DIS3L2: variants seen among roughly 807,000 people sequenced by gnomAD.
The protein encoded by DIS3L2 is DIS3-like exonuclease 2.
In DIS3L2, 34 loss-of-function variants were observed where a neutral mutation model predicts 97.5. That is an observed-to-expected ratio of 0.35 (90% CI 0.27 to 0.46). DIS3L2 has a LOEUF of 0.46. DIS3L2 is among the 20% of genes least tolerant of loss of function. DIS3L2 has a pLI of 1.00. For missense variants in DIS3L2, 1,038 were observed against 1,146.0 expected, an observed-to-expected ratio of 0.91 and a Z score of 1.36; for synonymous variants, 435 against 445.2, an observed-to-expected ratio of 0.98 and a Z score of 0.29.
chr2:232,214,676 C>G (rs945174868), intron 10 of DIS3L2, among the ~76,000 whole-genome samples: 1 of 152,212 alleles, frequency 6.6e-6, no homozygotes, highest in Non-Finnish European at 1.5e-5. Flanking sequence ...AGGGCCTACT[C>G]TCTCCTTGCC....
At chr2:232,194,858 C>T (rs1045839685) in intron 9 of DIS3L2, among the ~76,000 whole-genome samples, 3 of 152,048 alleles carry the variant, frequency 2.0e-5, no homozygotes, top group African/African-American at 4.8e-5. Context: ...ACTTGGGACT[C>T]CTCTCCTGAA....
chr2:232,084,799 C>CA (rs55977523), intron 5 of DIS3L2, among the ~76,000 whole-genome samples: 111,057 of 145,502 alleles, frequency 0.76, 42,309 homozygotes, highest in African/African-American at 0.85. Context: ...CAGTTTTGCT[C>CA]AAAAAAAAAA....
At chr2:232,070,317 G>A (rs1040089055) in intron 5 of DIS3L2, among the ~76,000 whole-genome samples, 1 of 146,604 alleles carries the variant, frequency 6.8e-6, no homozygotes, top group Non-Finnish European at 1.5e-5. Flanking sequence ...TGCTTTTCTA[G>A]TTTACCCAGA....
At chr2:232,147,934 TTCCCTTCCCTTCCCTCCCC>T in intron 8 of DIS3L2, among the ~76,000 whole-genome samples, 1 of 149,916 alleles carries the variant, frequency 6.7e-6, no homozygotes, top group East Asian at 2.0e-4. Context: ...TTCTCTTCTC[TTCCCTTCCCTTCCCTCCCC>T]TCCCTTTCCT....
At chr2:232,297,988 C>T (rs540239796) in intron 13 of DIS3L2, among the ~76,000 whole-genome samples, 14 of 152,222 alleles carry the variant, frequency 9.2e-5, no homozygotes, top group Admixed American at 2.0e-4. Flanking sequence ...TGAGCCACCA[C>T]ATCTGGCCTC....
chr2:232,086,632 C>CAT lies in DIS3L2; in HGVS notation c.367-844_367-843dup, dbSNP rs66493057. The stretch of plus-strand genomic sequence containing the variant: ...GTGTGTGTATATATATATATATACA[C>CAT]ATATATATATATGTATATATATATA... On this transcript the variant is annotated intron_variant, in intron 5 of 20. Transcript: ENST00000325385. Among the ~76,000 whole-genome samples, 310 of 69,106 alleles carry CAT rather than the reference C, an allele frequency of 4.5e-3. 2 individuals are homozygous for CAT. Among genetic ancestry groups the CAT allele is most frequent in the African/African-American group, 0.02 (259 of 13,154 alleles). The allele number at this position is 69,106 out of a possible 152,430, so 45.3% of individuals were successfully genotyped here. A position where few individuals can be genotyped will look rare whatever the true frequency, so the allele number is the denominator to read the frequency against.
intron 1 of DIS3L2, among the ~76,000 whole-genome samples, chr2:232,002,747 A>G (rs1438959528): frequency 6.6e-6 from 1 of 152,092 alleles, no homozygotes; most frequent in African/African-American, 2.4e-5. Context: ...CCTAGTTATC[A>G]CCTGCCTCCC....
At chr2:232,200,780 G>GTTTTTT (rs1183177130) in intron 9 of DIS3L2, among the ~76,000 whole-genome samples, 8 of 124,786 alleles carry the variant, frequency 6.4e-5, no homozygotes, top group Non-Finnish European at 1.1e-4. Context: ...TGACCAAAAG[G>GTTTTTT]TTTTTTTTTT....
At chr2:232,079,879 G>A (rs144771048) in intron 5 of DIS3L2, among the ~76,000 whole-genome samples, 14 of 152,256 alleles carry the variant, frequency 9.2e-5, no homozygotes, top group Middle Eastern at 6.8e-3. Flanking sequence ...GAGTTGGAGG[G>A]TCATTTGCAA....
intron 1 of DIS3L2, among the ~76,000 whole-genome samples, chr2:231,971,768 G>A (rs1692920480): frequency 6.6e-6 from 1 of 151,422 alleles, no homozygotes; most frequent in African/African-American, 2.4e-5. Flanking sequence ...TTTTAGTAGA[G>A]ACGGGGTTTC....
intron 10 of DIS3L2, among the ~76,000 whole-genome samples, chr2:232,215,839 C>T (rs1692317420): frequency 1.3e-5 from 2 of 152,166 alleles, no homozygotes; most frequent in Admixed American, 6.5e-5. Context: ...GGACCTGCTA[C>T]TGGGAAGAAA....
chr2:232,104,096 TG>T (rs749055681), intron 6 of DIS3L2, among the ~76,000 whole-genome samples: 5 of 152,180 alleles, frequency 3.3e-5, no homozygotes, highest in Non-Finnish European at 5.9e-5. Flanking sequence ...TAATTTCTAC[TG>T]TTTTTATTAC....
chr2:232,075,286 A>G (rs1696151284), intron 5 of DIS3L2, among the ~76,000 whole-genome samples: 1 of 152,212 alleles, frequency 6.6e-6, no homozygotes, highest in Non-Finnish European at 1.5e-5. Flanking sequence ...ACCCAGGGTC[A>G]TTGGGTGGAT....
At chr2:232,146,385 C>A (rs1359954665) in intron 8 of DIS3L2, among the ~76,000 whole-genome samples, 1 of 152,078 alleles carries the variant, frequency 6.6e-6, no homozygotes, top group Admixed American at 6.6e-5. Context: ...CTTTTAGCAG[C>A]AAATTATAAA....
chr2:232,117,376 T>C lies in DIS3L2; in HGVS notation c.602-13243T>C, dbSNP rs140150088. On this transcript the variant is annotated intron_variant, in intron 6 of 20. Transcript: ENST00000325385. The stretch of plus-strand genomic sequence containing the variant: ...ATGAAACCTTCATAATAAATACTTG[T>C]CTTGGTTACTTCACAGGTTCTTACG... Among the ~76,000 whole-genome samples the C allele has an allele frequency of 1.4e-4, 21 of 152,358 alleles. No individual in the cohort carries two copies. In the East Asian group the frequency reaches 3.5e-3, roughly 25 times the overall value.
At chr2:232,115,463 A>T (rs1028739887) in intron 6 of DIS3L2, among the ~76,000 whole-genome samples, 1 of 152,220 alleles carries the variant, frequency 6.6e-6, no homozygotes. Context: ...GAACCTGAGA[A>T]TCAGCTCCAC....
intron 10 of DIS3L2, among the ~76,000 whole-genome samples, chr2:232,237,578 A>C (rs910189727): frequency 3.3e-5 from 5 of 152,060 alleles, no homozygotes; most frequent in African/African-American, 1.2e-4. Flanking sequence ...AAGCCGATAG[A>C]GATATGCCGT....
intron 9 of DIS3L2, among the ~76,000 whole-genome samples, chr2:232,180,705 C>T (rs1249249): frequency 0.028 from 73 of 2,620 alleles, 5 homozygotes; most frequent in African/African-American, 0.089. Flanking sequence ...CTATGTGTGT[C>T]TCTGCACGTG....
chr2:232,308,720 A>G lies in DIS3L2; in HGVS notation c.1739+8601A>G, dbSNP rs899945082. Among the ~76,000 whole-genome samples, 8 of 152,076 alleles carry G rather than the reference A, an allele frequency of 5.3e-5. No individual in the cohort carries two copies. In the East Asian group the frequency reaches 9.6e-4, roughly 18 times the overall value. ...CCTGCTAGCTCAGGTCACTGTAAGGACACCTGGGTTCTCTTCCCCAGCACC... is the reference window on the plus strand; with the variant it reads ...CCTGCTAGCTCAGGTCACTGTAAGGGCACCTGGGTTCTCTTCCCCAGCACC... On this transcript the variant is annotated intron_variant, in intron 14 of 20. Coordinates refer to ENST00000325385, the MANE Select transcript of DIS3L2 (RefSeq NM_152383.5).
Sources: allele counts gnomAD v4.1 joint callset (sites outside exome capture counted in the v4.1 genomes callset), GRCh38; gene constraint gnomAD v4.1.1; transcripts MANE v1.5; gene names NCBI Gene and HGNC (gene_info 2026-07-23, HGNC 2026-07-21).